The following SH3BP2 variants were observed in gnomAD, a reference collection of about 807,000 sequenced individuals.
The protein encoded by SH3BP2 is SH3 domain-binding protein 2.
A neutral mutation model predicts 56.2 loss-of-function variants in SH3BP2; 38 were observed. That is an observed-to-expected ratio of 0.68 (90% CI 0.52 to 0.89). The LOEUF is 0.89. Among genes scored for constraint, SH3BP2 ranks in the 40% least tolerant of loss-of-function variants. The pLI is 0.00. For synonymous variants in SH3BP2, 346 were observed against 316.7 expected, an observed-to-expected ratio of 1.09 and a Z score of -0.98; for missense variants, 748 against 762.6, an observed-to-expected ratio of 0.98 and a Z score of 0.23.
At chr4:2,813,899 G>A (rs1723875744) in intron 1 of SH3BP2, among the ~76,000 whole-genome samples, 1 of 152,188 alleles carries the variant, frequency 6.6e-6, no homozygotes, top group African/African-American at 2.4e-5. Flanking sequence ...GCGCATATAT[G>A]AGCGTGTGAA....
Position 2,831,806 on chromosome 4 carries a change from G to C in SH3BP2, c.1351-117G>C. On this transcript the variant is annotated intron_variant, in intron 9 of 12. Coordinates refer to ENST00000503393, the MANE Select transcript of SH3BP2 (RefSeq NM_001122681.2). This position sits in a 1 kb window ranked among gnomAD's most constrained non-coding sequence, Gnocchi z 4.1. ...GACCCCCCGAGAACCCGGGAGCCTA[G>C]GGGGACACAGCACCATGTAAAGCCC... 1 of 1,376,160 alleles carries C rather than the reference G, an allele frequency of 7.3e-7. No homozygotes were observed. Among genetic ancestry groups the C allele is most frequent in the South Asian group, 1.2e-5 (1 of 82,162 alleles). 85.2% of individuals were successfully genotyped at this position (1,376,160 alleles called of 1,614,324 possible).
intron 12 of SH3BP2, 53 bp downstream of exon 12, chr4:2,833,102 G>T (rs1288560650): frequency 5.2e-6 from 8 of 1,541,270 alleles, no homozygotes; most frequent in Non-Finnish European, 5.4e-6. Context: ...CTGGCAAGGG[G>T]CAGGGCAGAA....
At chr4:2,833,498 A>T (rs1170543493) in intron 12 of SH3BP2, 199 bp from the exon 13 acceptor site, 1 of 670,314 alleles carries the variant, frequency 1.5e-6, no homozygotes, top group African/African-American at 1.8e-5. Flanking sequence ...GACATGGAGG[A>T]CGGAGGGGAA....
Position 2,841,026 on chromosome 4 carries a change from T to G in SH3BP2, c.*7192T>G, listed in dbSNP as rs563786948. Reference sequence around the variant, plus strand: ...TGTTAATAGCATATAAAACACACCTTGTCTTTTAACTGGAGCATTTTGTCC... The same window carrying G: ...TGTTAATAGCATATAAAACACACCTGGTCTTTTAACTGGAGCATTTTGTCC... On this transcript the variant is annotated 3_prime_UTR_variant, in exon 13 of 13. Coordinates refer to ENST00000503393, the MANE Select transcript of SH3BP2 (RefSeq NM_001122681.2). 1 of 152,276 alleles carries G rather than the reference T, an allele frequency of 6.6e-6. No homozygotes were observed. Among genetic ancestry groups the G allele is most frequent in the East Asian group, 1.9e-4 (1 of 5,186 alleles). 9.4% of individuals were successfully genotyped at this position (152,276 alleles called of 1,614,324 possible).
At chr4:2,816,823 G>C (rs1459401719) in intron 1 of SH3BP2, among the ~76,000 whole-genome samples, 1 of 151,878 alleles carries the variant, frequency 6.6e-6, no homozygotes, top group Non-Finnish European at 1.5e-5. Flanking sequence ...ATATGTTGCA[G>C]GATTCAGTTG....
At chr4:2,820,534 C>T in intron 1 of SH3BP2, 80 bp from the exon 2 acceptor site, 1 of 1,559,836 alleles carries the variant, frequency 6.4e-7, no homozygotes, top group South Asian at 1.1e-5. Flanking sequence ...TGGATCTTGG[C>T]AGTGTCCCCC....
intron 12 of SH3BP2, 91 bp downstream of exon 12, chr4:2,833,140 T>C: frequency 8.4e-7 from 1 of 1,188,516 alleles, no homozygotes; most frequent in Non-Finnish European, 1.3e-6. Context: ...AGGCAGCGGG[T>C]AGACTGAGAC....
At position 2,831,886 on chromosome 4, in the gene SH3BP2, C is replaced by G. The variant is rs1725007823; in HGVS notation, c.1351-37C>G. The G allele has an allele frequency of 6.2e-7, 1 of 1,608,202 alleles. No individual in the cohort carries two copies. The highest frequency in any genetic ancestry group is 1.1e-5 in the South Asian group (1 of 90,834). ...GGGGAGTGGTGGTGCGGGTGGATCA[C>G]TCCGACGTTGGCACTGACACCGTCA... On this transcript the variant is annotated intron_variant, in intron 9 of 12. Transcript: ENST00000503393. The surrounding 1 kb of genome is among the most constrained non-coding windows in gnomAD (Gnocchi z 4.1).
intron 1 of SH3BP2, chr4:2,818,494 C>A: frequency 1.6e-6 from 1 of 608,112 alleles, no homozygotes; most frequent in Non-Finnish European, 2.1e-6. Context: ...GAGCCCCGGG[C>A]GCTGCTGGTC....
At chr4:2,823,104 C>T (rs1724398917) in intron 3 of SH3BP2, 67 bp downstream of exon 3, 1 of 1,159,008 alleles carries the variant, frequency 8.6e-7, no homozygotes, top group African/African-American at 1.5e-5. Context: ...AGCAGAGCCC[C>T]AGCTGGGCCT....
chr4:2,819,980 G>A (rs1400964346), intron 1 of SH3BP2, among the ~76,000 whole-genome samples: 1 of 152,202 alleles, frequency 6.6e-6, no homozygotes, highest in East Asian at 1.9e-4. Flanking sequence ...GGGAAGGGGA[G>A]TGATATCCTG....
At position 2,810,362 on chromosome 4, in the gene SH3BP2, G is replaced by A. The variant is rs1432709536; in HGVS notation, c.-4-10252G>A. Among the ~76,000 whole-genome samples the A allele has an allele frequency of 6.6e-6, 1 of 151,518 alleles. No individual in the cohort carries two copies. The highest frequency in any genetic ancestry group is 1.5e-5 in the Non-Finnish European group (1 of 67,892). ...TTGGACCAGGGCTGTGGGGGGAATG[G>A]GCCTGGGCCAGGGTCAGGTGGGTCT... On this transcript the variant is annotated intron_variant, in intron 1 of 12. Transcript: ENST00000503393. The surrounding 1 kb of genome is among the most constrained non-coding windows in gnomAD (Gnocchi z 4.2).
At chr4:2,820,489 T>C (rs1724240788) in intron 1 of SH3BP2, 125 bp from the exon 2 acceptor site, 2 of 1,263,940 alleles carry the variant, frequency 1.6e-6, no homozygotes, top group East Asian at 2.3e-5. Context: ...AGGGGTTTCC[T>C]TGCCTGTCAT....
At chr4:2,812,133 TA>T (rs1723774130) in intron 1 of SH3BP2, 1 of 1,387,100 alleles carries the variant, frequency 7.2e-7, no homozygotes, top group African/African-American at 1.5e-5. Flanking sequence ...AGGTAGGAGT[TA>T]AAACCCGGAT....
At chr4:2,801,742 AG>A (rs1723289571) in intron 1 of SH3BP2, among the ~76,000 whole-genome samples, 1 of 152,278 alleles carries the variant, frequency 6.6e-6, no homozygotes, top group South Asian at 2.1e-4. Flanking sequence ...GCAGAAGGCA[AG>A]GGAATAGAAT....
Position 2,833,780 on chromosome 4 carries a change from C to T in SH3BP2, c.1632C>T (p.Pro544=). 6.3e-7 allele frequency: 1 copy of T among 1,599,252 alleles called. No homozygotes were observed. Among genetic ancestry groups the T allele is most frequent in the African/African-American group, 1.3e-5 (1 of 74,762 alleles). ...MVEHYHTHVL[P]SHQSLLLRHP... The stretch of plus-strand genomic sequence containing the variant: ...AGCACTACCACACCCACGTGCTGCC[C>T]AGCCACCAGAGCCTGCTGCTGCGGC... The change falls in exon 13 of 13, where the codon CCC becomes CCT. Residue 544 remains proline (P), a synonymous_variant. Coordinates refer to ENST00000503393, the MANE Select transcript of SH3BP2 (RefSeq NM_001122681.2).
At position 2,822,993 on chromosome 4, in the gene SH3BP2, C is replaced by T. The variant is rs367840767; in HGVS notation, c.195C>T (p.Thr65=). 6.2e-7 allele frequency: 1 copy of T among 1,614,020 alleles called. No homozygotes were observed. The highest frequency in any genetic ancestry group is 8.5e-7 in the Non-Finnish European group (1 of 1,180,006). The part of the protein sequence containing the change: ...KRCVYYFKSS[T]SASPQGAFSL... ...GCGTCTACTACTTCAAGAGTAGCACCTCTGCCTCCCCGCAGGGCGCCTTCT... is the reference window on the plus strand; with the variant it reads ...GCGTCTACTACTTCAAGAGTAGCACTTCTGCCTCCCCGCAGGGCGCCTTCT... The change falls in exon 3 of 13, where the codon ACC becomes ACT. Residue 65 remains threonine (T), a synonymous_variant. Coordinates refer to ENST00000503393, the MANE Select transcript of SH3BP2 (RefSeq NM_001122681.2).
intron 4 of SH3BP2, 52 bp downstream of exon 4, chr4:2,824,782 A>G: frequency 2.2e-6 from 3 of 1,380,454 alleles, no homozygotes; most frequent in South Asian, 2.3e-5. Context: ...GTGGGCCTGC[A>G]GGCACCAGGC....
At chr4:2,822,808 G>C (rs946773505) in intron 2 of SH3BP2, 127 bp from the exon 3 acceptor site, 1 of 745,086 alleles carries the variant, frequency 1.3e-6, no homozygotes, top group African/African-American at 1.7e-5. Flanking sequence ...CTTGCTCCCT[G>C]CTCTTCCATT....
Sources: gnomAD v4.1 joint callset for allele counts (sites outside exome capture counted in the v4.1 genomes callset) on GRCh38, gnomAD v4.1.1 for gene constraint, Gnocchi (gnomAD v3.1) non-coding constraint, MANE v1.5 for transcripts, NCBI Gene and HGNC (gene_info 2026-07-23, HGNC 2026-07-21) for gene names.